The following BIRC3 variants were observed in gnomAD, a reference collection of about 807,000 sequenced individuals.
BIRC3 encodes baculoviral IAP repeat-containing protein 3.
A neutral mutation model predicts 59.0 loss-of-function variants in BIRC3; 26 were observed. That is an observed-to-expected ratio of 0.44 (90% CI 0.32 to 0.61). The LOEUF is 0.61. Among genes scored for constraint, BIRC3 ranks in the 20% least tolerant of loss-of-function variants. BIRC3 has a pLI of 0.04. For missense variants in BIRC3, 641 were observed against 711.5 expected (o/e 0.90, Z 1.13); for synonymous variants, 243 against 249.2 (o/e 0.98, Z 0.24).
chr11:102,331,884 G>A (rs1311365386), intron 6 of BIRC3, among the ~76,000 whole-genome samples: 21 of 151,976 alleles, frequency 1.4e-4, no homozygotes, highest in African/African-American at 3.6e-4. Context: ...CAAGTGATCC[G>A]CCCGCCTCGG....
At chr11:102,328,734 T>C (rs1281806475) in intron 4 of BIRC3, among the ~76,000 whole-genome samples, 163 bp from the exon 5 acceptor site, 2 of 152,022 alleles carry the variant, frequency 1.3e-5, no homozygotes, top group Non-Finnish European at 2.9e-5. Context: ...CAAATATAAA[T>C]GAAATATTGC....
At chr11:102,335,419 T>C (rs1230595532) in intron 6 of BIRC3, among the ~76,000 whole-genome samples, 1 of 152,240 alleles carries the variant, frequency 6.6e-6, no homozygotes, top group Non-Finnish European at 1.5e-5. Flanking sequence ...GCCAAATGAT[T>C]GAAAGCACAG....
intron 1 of BIRC3, among the ~76,000 whole-genome samples, chr11:102,321,520 A>G (rs1306561799): frequency 2.0e-5 from 3 of 151,920 alleles, no homozygotes; most frequent in African/African-American, 4.8e-5. Flanking sequence ...ACACCCAGCT[A>G]ATTTTTGTAT....
chr11:102,337,322 G>T lies in BIRC3; in HGVS notation c.*220G>T. 1 of 407,578 alleles carries T rather than the reference G, an allele frequency of 2.5e-6. No individual in the cohort carries two copies. Among genetic ancestry groups the T allele is most frequent in the Non-Finnish European group, 4.3e-6 (1 of 233,046 alleles). The allele number at this position is 407,578 out of a possible 1,614,324, so 25.2% of individuals were successfully genotyped here. ...CTTTTGTTCTTATGAACGAAAAAGA[G>T]GTAGCACTACAAACACAATATTCAA... is the stretch of plus-strand genomic sequence containing the variant. On this transcript the variant is annotated 3_prime_UTR_variant, in exon 9 of 9. Transcript: ENST00000263464.
chr11:102,326,683 G>A (rs1164617661), intron 3 of BIRC3: 1 of 453,872 alleles, frequency 2.2e-6, no homozygotes, highest in Non-Finnish European at 4.4e-6. Context: ...AATAAATGTG[G>A]CATCTTAACT....
chr11:102,323,194 G>A lies in BIRC3; in HGVS notation c.-1316G>A, dbSNP rs966758653. On this transcript the variant is annotated 5_prime_UTR_variant, in exon 2 of 9. Transcript: ENST00000263464. ...TCTACAATGTTAGTTCTTTGAGGGG[G>A]ACAAAAAATTTAAAATCTTTGAAAG... 16 of 198,628 alleles carry A rather than the reference G, an allele frequency of 8.1e-5. No individual in the cohort carries two copies. The highest frequency in any genetic ancestry group is 1.2e-4 in the Non-Finnish European group (12 of 96,214). The allele number at this position is 198,628 out of a possible 1,614,324, so 12.3% of individuals were successfully genotyped here.
chr11:102,331,166 G>T lies in BIRC3; in HGVS notation c.1249G>T (p.Val417Leu), dbSNP rs1330209632. ...GENYRLVNDL[V>L]LDLLNAEDEI... ...GAATTATAGACTAGTCAATGATCTT[G>T]TGTTAGACTTACTCAATGCAGAAGA... is the stretch of plus-strand genomic sequence containing the variant. The change falls in exon 6 of 9, where the codon GTG (valine) becomes TTG (leucine). Residue 417 changes from valine to leucine, a missense_variant. Physicochemically the swap from Val to Leu is conservative, Grantham distance 32 (BLOSUM62 1). Transcript: ENST00000263464. The T allele has an allele frequency of 1.2e-6, 2 of 1,613,636 alleles. No individual in the cohort carries two copies. The highest frequency in any genetic ancestry group is 1.7e-6 in the Non-Finnish European group (2 of 1,179,820).
At position 102,324,390 on chromosome 11, in the gene BIRC3, A is replaced by G. The variant is rs1951060513; in HGVS notation, c.-120A>G. Reference sequence around the variant, plus strand: ...ACTCTAAATGCATAGAAATAAAAATAATAAAAAATTTTTCATTTTGGCTTT... The same window carrying G: ...ACTCTAAATGCATAGAAATAAAAATGATAAAAAATTTTTCATTTTGGCTTT... On this transcript the variant is annotated 5_prime_UTR_variant, in exon 2 of 9. In the 5' UTR this introduces an upstream ATG that the reference lacks. Transcript: ENST00000263464. 7.0e-6 allele frequency: 8 copies of G among 1,150,236 alleles called. No individual in the cohort carries two copies. The highest frequency in any genetic ancestry group is 9.5e-6 in the Non-Finnish European group (8 of 838,290). The allele number at this position is 1,150,236 out of a possible 1,614,324, so 71.3% of individuals were successfully genotyped here. A position where few individuals can be genotyped will look rare whatever the true frequency, so the allele number is the denominator to read the frequency against.
chr11:102,335,935 C>T, intron 6 of BIRC3, 31 bp from the exon 7 acceptor site: 1 of 1,580,356 alleles, frequency 6.3e-7, no homozygotes, highest in South Asian at 1.2e-5. Flanking sequence ...AGAGTTTGAA[C>T]ATGTTTATGC....
rs1404589343 is a variant in BIRC3 at position 102,323,721 on chromosome 11, AG to A, written c.-788del. 4 of 200,074 alleles carry A rather than the reference AG, an allele frequency of 2.0e-5. No homozygotes were observed. Among genetic ancestry groups the A allele is most frequent in the African/African-American group, 9.2e-5 (4 of 43,504 alleles). The allele number at this position is 200,074 out of a possible 1,614,324, so 12.4% of individuals were successfully genotyped here. A position where few individuals can be genotyped will look rare whatever the true frequency, so the allele number is the denominator to read the frequency against. On this transcript the variant is annotated 5_prime_UTR_variant, in exon 2 of 9. Transcript: ENST00000263464. ...TTTAGATTGTTTTGTTCTCCTTATT[AG>A]AAGGATTGTAGAAAGAAAAAAATGA...
Position 102,324,455 on chromosome 11 carries a change from C to G in BIRC3, c.-55C>G. 1.3e-6 allele frequency: 2 copies of G among 1,525,224 alleles called. No homozygotes were observed. Among genetic ancestry groups the G allele is most frequent in the Non-Finnish European group, 1.8e-6 (2 of 1,140,244 alleles). The allele number at this position is 1,525,224 out of a possible 1,614,324, so 94.5% of individuals were successfully genotyped here. On this transcript the variant is annotated 5_prime_UTR_variant, in exon 2 of 9. Transcript: ENST00000263464. ...AAACTGATAAAAGCAAAGCCATGCA[C>G]AAAACTACCTCCCTAGAGAAAGGCT... is the stretch of plus-strand genomic sequence containing the variant.
Position 102,322,822 on chromosome 11 carries a change from T to C in BIRC3, c.-1688T>C, listed in dbSNP as rs1460381501. The C allele has an allele frequency of 4.8e-6, 1 of 207,908 alleles. No individual in the cohort carries two copies. The highest frequency in any genetic ancestry group is 2.3e-5 in the African/African-American group (1 of 43,654). 12.9% of individuals were successfully genotyped at this position (207,908 alleles called of 1,614,324 possible). A position where few individuals can be genotyped will look rare whatever the true frequency, so the allele number is the denominator to read the frequency against. ...AAAAAAAGCCACAGTGACTTGCTTA[T>C]TGGTCATTGCTAGTATTATCGACTC... On this transcript the variant is annotated 5_prime_UTR_variant, in exon 2 of 9. Transcript: ENST00000263464.
At position 102,328,107 on chromosome 11, in the gene BIRC3, A is replaced by C. The variant is rs1411725535; in HGVS notation, c.1009A>C (p.Ser337Arg). ...GQEFIRQVQA[S>R]YPHLLEQLLS... is the part of the protein sequence containing the mutation. ...GGAGTTCATCCGTCAAGTTCAAGCC[A>C]GTTACCCTCATCTACTTGAACAGGT... Residue 337 changes from serine (S) to arginine (R), a missense_variant, in exon 4 of 9, where the codon AGT (serine) becomes CGT (arginine). Ser to Arg is a moderately radical substitution (Grantham distance 110). Transcript: ENST00000263464. 8.1e-6 allele frequency: 13 copies of C among 1,609,000 alleles called. No individual in the cohort carries two copies. The highest frequency in any genetic ancestry group is 6.8e-5 in the Admixed American group (4 of 58,810).
rs2135783757 is a variant in BIRC3, at chr11:102,323,980, T to C, written c.-530T>C. 2 of 206,078 alleles carry C rather than the reference T, an allele frequency of 9.7e-6. No homozygotes were observed. The highest frequency in any genetic ancestry group is 9.9e-6 in the Non-Finnish European group (1 of 100,870). The allele number at this position is 206,078 out of a possible 1,614,324, so 12.8% of individuals were successfully genotyped here. A position where few individuals can be genotyped will look rare whatever the true frequency, so the allele number is the denominator to read the frequency against. ...CCTCCTTTGAGTTAGGTCTTGTGCT[T>C]TTTTTTCCTGGCCACTAAATTTCAC... On this transcript the variant is annotated 5_prime_UTR_variant, in exon 2 of 9. Coordinates refer to ENST00000263464, the MANE Select transcript of BIRC3 (RefSeq NM_001165.5).
At chr11:102,330,926 T>C in intron 5 of BIRC3, 73 bp from the exon 6 acceptor site, 1 of 1,429,694 alleles carries the variant, frequency 7.0e-7, no homozygotes, top group Non-Finnish European at 9.3e-7. Context: ...CAATTTTTGA[T>C]TTCATTTCAA....
chr11:102,330,262 C>A (rs928731172), intron 5 of BIRC3, among the ~76,000 whole-genome samples: 2 of 152,180 alleles, frequency 1.3e-5, no homozygotes, highest in Non-Finnish European at 2.9e-5. Context: ...CTTTGAAGAA[C>A]TGAACAAAAT....
chr11:102,323,555 TCTA>T lies in BIRC3; in HGVS notation c.-954_-952del, dbSNP rs1458069986. ...AAATAGAATATTTAATTGTGTAAGATCTAATAGTATCATTATACTTAAGCAATC... is the reference window on the plus strand; with the variant it reads ...AAATAGAATATTTAATTGTGTAAGATATAGTATCATTATACTTAAGCAATC... On this transcript the variant is annotated 5_prime_UTR_variant, in exon 2 of 9. Coordinates refer to ENST00000263464, the MANE Select transcript of BIRC3 (RefSeq NM_001165.5). 1 of 187,886 alleles carries T rather than the reference TCTA, an allele frequency of 5.3e-6. No individual in the cohort carries two copies. Among genetic ancestry groups the T allele is most frequent in the Non-Finnish European group, 1.1e-5 (1 of 89,170 alleles). The allele number at this position is 187,886 out of a possible 1,614,324, so 11.6% of individuals were successfully genotyped here.
Position 102,325,691 on chromosome 11 carries a change from G to A in BIRC3, c.953+126G>A, listed in dbSNP as rs1475188359. 5 of 841,064 alleles carry A rather than the reference G, an allele frequency of 5.9e-6. No homozygotes were observed. In the African/African-American group the frequency reaches 8.7e-5, roughly 15 times the overall value. 52.1% of individuals were successfully genotyped at this position (841,064 alleles called of 1,614,324 possible). ...ATATATTTGTGAATAAGTTTAGGAT[G>A]GATTACTTAGTAAAATACTTACTTA... On this transcript the variant is annotated intron_variant, in intron 3 of 8. Transcript: ENST00000263464.
chr11:102,326,931 C>T (rs1951088578), intron 3 of BIRC3: 3 of 365,244 alleles, frequency 8.2e-6, no homozygotes, highest in East Asian at 7.5e-5. Flanking sequence ...TGGTCTCAAA[C>T]TCCTGACCTC....
Sources: allele counts gnomAD v4.1 joint callset (sites outside exome capture counted in the v4.1 genomes callset), GRCh38; gene constraint gnomAD v4.1.1; transcripts MANE v1.5; gene names NCBI Gene and HGNC (gene_info 2026-07-23, HGNC 2026-07-21).